The following SETBP1 variants were observed in gnomAD, a reference collection of about 807,000 sequenced individuals.
SETBP1 encodes SET-binding protein.
A neutral mutation model predicts 101.0 loss-of-function variants in SETBP1; 9 were observed. That is an observed-to-expected ratio of 0.09 (90% CI 0.05 to 0.16). SETBP1 has a LOEUF of 0.16. SETBP1 is among the 10% of genes least tolerant of loss of function. The pLI, the probability that SETBP1 is intolerant of heterozygous loss-of-function variation, is 1.00. For synonymous variants in SETBP1, 818 were observed against 788.5 expected (o/e 1.04, Z -0.63); for missense variants, 1,858 against 2,033.8 (o/e 0.91, Z 1.66).
At chr18:44,909,803 C>T (rs1438999497) in intron 3 of SETBP1, among the ~76,000 whole-genome samples, 1 of 152,086 alleles carries the variant, frequency 6.6e-6, no homozygotes, top group South Asian at 2.1e-4. Flanking sequence ...AGGATTGATC[C>T]GAGACGTACC....
chr18:45,023,524 C>A (rs774236925), intron 4 of SETBP1, among the ~76,000 whole-genome samples: 2 of 152,194 alleles, frequency 1.3e-5, no homozygotes, highest in Non-Finnish European at 2.9e-5. Context: ...AAACTGCTTC[C>A]TTATAGCCAA....
rs562097449 is a variant in SETBP1, at chr18:44,900,456, C to T, written c.540+31173C>T. Among the ~76,000 whole-genome samples the T allele has an allele frequency of 3.9e-5, 6 of 152,340 alleles. No homozygotes were observed. In the South Asian group the frequency reaches 1.2e-3, roughly 32 times the overall value. On this transcript the variant is annotated intron_variant, in intron 3 of 5. Transcript: ENST00000649279. ...CACACCTCAAAGCTTTTCTGCTTTT[C>T]TCTCCATTAATCCTCATAACCAGCC...
chr18:44,689,383 A>G (rs1751092000), intron 1 of SETBP1, among the ~76,000 whole-genome samples: 1 of 152,220 alleles, frequency 6.6e-6, no homozygotes, highest in African/African-American at 2.4e-5. Context: ...TTCTGTCCAC[A>G]GTGAGAAGGA....
At chr18:45,009,995 T>C (rs1378155825) in intron 4 of SETBP1, among the ~76,000 whole-genome samples, 1 of 152,188 alleles carries the variant, frequency 6.6e-6, no homozygotes, top group African/African-American at 2.4e-5. Flanking sequence ...TTAACCACAG[T>C]TCCTCGCCTG....
rs373500996 is a variant in SETBP1, at chr18:44,806,550, A to C, written c.487-62680A>C. Among the ~76,000 whole-genome samples, 68 of 146,278 alleles carry C rather than the reference A, an allele frequency of 4.6e-4. 4 individuals are homozygous for C. In the South Asian group the frequency reaches 0.014, roughly 30 times the overall value. On this transcript the variant is annotated intron_variant, in intron 2 of 5. Coordinates refer to ENST00000649279, the MANE Select transcript of SETBP1 (RefSeq NM_015559.3). ...TACTAGTAACACTTAAACTCTTAACATGCTGAAAACTAGCCTACGTTTTCT... is the reference window on the plus strand; with the variant it reads ...TACTAGTAACACTTAAACTCTTAACCTGCTGAAAACTAGCCTACGTTTTCT...
chr18:44,791,685 G>A (rs1474897026), intron 2 of SETBP1, among the ~76,000 whole-genome samples: 1 of 152,102 alleles, frequency 6.6e-6, no homozygotes, highest in African/African-American at 2.4e-5. Context: ...CCCTGTCTAA[G>A]GTTGAAACCA....
intron 2 of SETBP1, among the ~76,000 whole-genome samples, chr18:44,766,217 G>C (rs913448880): frequency 4.6e-5 from 7 of 152,248 alleles, no homozygotes; most frequent in African/African-American, 1.7e-4. Context: ...ATGGAAAATA[G>C]AGCATGATAC....
At chr18:44,802,579 C>T (rs975604807) in intron 2 of SETBP1, among the ~76,000 whole-genome samples, 28 of 152,130 alleles carry the variant, frequency 1.8e-4, no homozygotes, top group African/African-American at 6.5e-4. Context: ...ATCTTCCTTC[C>T]TCAGCATTCA....
intron 3 of SETBP1, among the ~76,000 whole-genome samples, chr18:44,886,789 T>TATTATC (rs1555696309): frequency 2.0e-5 from 3 of 148,538 alleles, no homozygotes; most frequent in African/African-American, 7.4e-5. Flanking sequence ...TTATTATTAT[T>TATTATC]ATTAGTTAAA....
intron 5 of SETBP1, among the ~76,000 whole-genome samples, chr18:45,042,100 A>T (rs1296749784): frequency 6.6e-6 from 1 of 152,100 alleles, no homozygotes; most frequent in Admixed American, 6.5e-5. Context: ...ACAGCATTAA[A>T]TATGGTGAGA....
At chr18:44,942,331 C>G (rs1458420152) in intron 3 of SETBP1, among the ~76,000 whole-genome samples, 19 of 152,204 alleles carry the variant, frequency 1.2e-4, no homozygotes, top group Admixed American at 1.2e-3. Context: ...AGTAGCTAAT[C>G]TCTGCTAGGC....
At chr18:45,053,596 A>G (rs963704460) in intron 5 of SETBP1, among the ~76,000 whole-genome samples, 21 of 152,216 alleles carry the variant, frequency 1.4e-4, no homozygotes, top group Admixed American at 5.9e-4. Flanking sequence ...AAACAAATGC[A>G]GTTACTATTA....
At chr18:44,925,128 C>T (rs1229440735) in intron 3 of SETBP1, among the ~76,000 whole-genome samples, 4 of 148,552 alleles carry the variant, frequency 2.7e-5, no homozygotes, top group Non-Finnish European at 4.4e-5. Context: ...TAAACCACAG[C>T]GCTCAAGCTG....
At chr18:44,831,043 T>C (rs2072351106) in intron 2 of SETBP1, among the ~76,000 whole-genome samples, 1 of 152,238 alleles carries the variant, frequency 6.6e-6, no homozygotes, top group African/African-American at 2.4e-5. Flanking sequence ...AGGCCTTGTA[T>C]AGAGCTGTCT....
At chr18:44,867,430 A>G (rs1366323803) in intron 2 of SETBP1, among the ~76,000 whole-genome samples, 2 of 152,202 alleles carry the variant, frequency 1.3e-5, no homozygotes, top group African/African-American at 2.4e-5. Flanking sequence ...TCTTATTTCA[A>G]CAAGCCCACC....
chr18:44,867,624 C>T (rs959033508), intron 2 of SETBP1, among the ~76,000 whole-genome samples: 5 of 152,114 alleles, frequency 3.3e-5, no homozygotes, highest in African/African-American at 4.8e-5. Flanking sequence ...TGTGTTGTGG[C>T]TTGGCTGTTT....
At chr18:44,959,267 G>A (rs918857381) in intron 4 of SETBP1, among the ~76,000 whole-genome samples, 1 of 152,180 alleles carries the variant, frequency 6.6e-6, no homozygotes, top group Non-Finnish European at 1.5e-5. Flanking sequence ...CATGCCTTTG[G>A]AAGGCTGTCA....
At chr18:44,922,005 G>T (rs1173149408) in intron 3 of SETBP1, among the ~76,000 whole-genome samples, 1 of 152,206 alleles carries the variant, frequency 6.6e-6, no homozygotes, top group East Asian at 1.9e-4. Flanking sequence ...AATTGGCCAA[G>T]CTTGAGGAAT....
intron 2 of SETBP1, among the ~76,000 whole-genome samples, chr18:44,823,018 C>T (rs1293288856): frequency 6.6e-6 from 1 of 152,174 alleles, no homozygotes; most frequent in Non-Finnish European, 1.5e-5. Context: ...GTAATCCCAG[C>T]TACTCAGGAG....
Sources: gnomAD v4.1 joint callset for allele counts (sites outside exome capture counted in the v4.1 genomes callset) on GRCh38, gnomAD v4.1.1 for gene constraint, MANE v1.5 for transcripts, NCBI Gene and HGNC (gene_info 2026-07-23, HGNC 2026-07-21) for gene names.